The following LTBP2 variants were observed in gnomAD, a reference collection of about 807,000 sequenced individuals.
LTBP2 encodes the protein latent-transforming growth factor beta-binding protein 2.
In LTBP2, 103 loss-of-function variants were observed where a neutral mutation model predicts 210.6. The ratio of observed to expected loss-of-function variants is 0.49; its 90% CI spans 0.42 to 0.58. The LOEUF (loss-of-function observed/expected upper bound fraction) is 0.58. LTBP2 is among the 20% of genes least tolerant of loss of function. The pLI is 0.00. For synonymous variants in LTBP2, 1,007 were observed against 1,015.0 expected (o/e 0.99, Z 0.15); for missense variants, 2,313 against 2,494.5 (o/e 0.93, Z 1.55).
At chr14:74,520,366 G>T (rs910717104) in intron 17 of LTBP2, among the ~76,000 whole-genome samples, 1 of 152,114 alleles carries the variant, frequency 6.6e-6, no homozygotes. Context: ...GAGGCCCCTG[G>T]GTATTTCAAT....
chr14:74,506,340 T>A (rs1299086934), intron 27 of LTBP2, 149 bp from the exon 28 acceptor site: 2 of 1,066,736 alleles, frequency 1.9e-6, no homozygotes, highest in Admixed American at 3.9e-5. Flanking sequence ...GAGGAACCAA[T>A]GGACAGAGGG....
At chr14:74,609,964 G>C (rs2088581820) in intron 1 of LTBP2, among the ~76,000 whole-genome samples, 1 of 152,206 alleles carries the variant, frequency 6.6e-6, no homozygotes. Context: ...ACTAAGACTT[G>C]TTGAATGATC....
chr14:74,579,976 G>C (rs1006882231), intron 3 of LTBP2, among the ~76,000 whole-genome samples: 31 of 152,374 alleles, frequency 2.0e-4, no homozygotes, highest in African/African-American at 6.7e-4. Flanking sequence ...AATGGGCTGA[G>C]TCATGCTCGA....
intron 3 of LTBP2, among the ~76,000 whole-genome samples, 153 bp downstream of exon 3, chr14:74,585,701 G>A (rs1171087177): frequency 1.3e-5 from 2 of 152,186 alleles, no homozygotes; most frequent in Non-Finnish European, 2.9e-5. Flanking sequence ...CATATCTCTG[G>A]CCATGCCAGG....
Position 74,611,675 on chromosome 14 carries a change from C to T in LTBP2, c.270G>A (p.Pro90=), listed in dbSNP as rs1245754068. The part of the protein sequence containing the change: ...AGLQPVERAQ[P]GWGSPRRPTE... ...TGGGCCTCCTGGGGCTCCCCCAGCC[C>T]GGCTGGGCCCGCTCCACGGGCTGCA... The change falls in exon 1 of 36, where the codon CCG becomes CCA. Residue 90 remains proline (P), a synonymous_variant. Transcript: ENST00000261978. The T allele has an allele frequency of 1.3e-6, 2 of 1,565,400 alleles. No individual in the cohort carries two copies. Among genetic ancestry groups the T allele is most frequent in the African/African-American group, 1.3e-5 (1 of 74,092 alleles).
At chr14:74,513,595 G>A (rs1177527140) in intron 18 of LTBP2, among the ~76,000 whole-genome samples, 1 of 152,188 alleles carries the variant, frequency 6.6e-6, no homozygotes, top group Admixed American at 6.5e-5. Flanking sequence ...CTGAGGTCAG[G>A]AGTTCAAGAC....
chr14:74,600,855 G>A (rs1476696479), intron 2 of LTBP2, among the ~76,000 whole-genome samples: 1 of 152,208 alleles, frequency 6.6e-6, no homozygotes, highest in East Asian at 1.9e-4. Flanking sequence ...TGGGCCAGCA[G>A]CGTCAGCGTT....
In LTBP2 at chr14:74,508,040, G is replaced by A. The variant is rs779593255; in HGVS notation, c.3708C>T (p.Thr1236=). ...DPCVGGHCVN[T]EGSFNCLCET... is the part of the protein sequence containing the mutation. Reference sequence around the variant, plus strand: ...CACATAGACAGTTGAAGGAGCCCTCGGTGTTGACACAGTGCCCTCCCACAC... The same window carrying A: ...CACATAGACAGTTGAAGGAGCCCTCAGTGTTGACACAGTGCCCTCCCACAC... The change falls in exon 25 of 36, where the codon ACC becomes ACT. Residue 1236 remains threonine (T), a synonymous_variant. Coordinates refer to ENST00000261978, the MANE Select transcript of LTBP2 (RefSeq NM_000428.3). 11 of 1,613,848 alleles carry A rather than the reference G, an allele frequency of 6.8e-6. No homozygotes were observed. Among genetic ancestry groups the A allele is most frequent in the East Asian group, 2.2e-5 (1 of 44,890 alleles).
chr14:74,518,477 C>G (rs1243040524), intron 17 of LTBP2, among the ~76,000 whole-genome samples: 1 of 152,186 alleles, frequency 6.6e-6, no homozygotes, highest in Non-Finnish European at 1.5e-5. Context: ...GGAACAGCTT[C>G]CTACACACCA....
intron 8 of LTBP2, among the ~76,000 whole-genome samples, chr14:74,541,707 C>A (rs2087510670): frequency 1.3e-5 from 2 of 151,856 alleles, no homozygotes; most frequent in South Asian, 4.2e-4. Flanking sequence ...AAACCTAGCA[C>A]CCTTCCTAGG....
intron 18 of LTBP2, among the ~76,000 whole-genome samples, chr14:74,514,607 T>C (rs2087112193): frequency 6.6e-6 from 1 of 152,120 alleles, no homozygotes; most frequent in South Asian, 2.1e-4. Flanking sequence ...TCAAGTGACC[T>C]TGGTTATGGC....
intron 20 of LTBP2, 72 bp from the exon 21 acceptor site, chr14:74,509,931 G>T: frequency 1.2e-6 from 2 of 1,612,550 alleles, no homozygotes; most frequent in Non-Finnish European, 1.7e-6. Context: ...AGGTAGGCAG[G>T]GGTGGGGGAA....
At chr14:74,595,277 G>C (rs867574202) in intron 2 of LTBP2, among the ~76,000 whole-genome samples, 1 of 152,192 alleles carries the variant, frequency 6.6e-6, no homozygotes, top group Non-Finnish European at 1.5e-5. Flanking sequence ...GGGGAGCCGC[G>C]GGGCCAGGGG....
intron 7 of LTBP2, among the ~76,000 whole-genome samples, chr14:74,550,750 G>A (rs1363773630): frequency 6.6e-6 from 1 of 152,214 alleles, no homozygotes; most frequent in Non-Finnish European, 1.5e-5. Flanking sequence ...CCATGTGCCA[G>A]GGGTCATAGG....
chr14:74,594,223 C>T (rs770746952), intron 2 of LTBP2, among the ~76,000 whole-genome samples: 19 of 152,260 alleles, frequency 1.2e-4, no homozygotes, highest in Middle Eastern at 3.4e-3. Flanking sequence ...CACCCTACCC[C>T]CCGGGCAAGG....
Position 74,549,819 on chromosome 14 carries a change from G to A in LTBP2, c.1789+44C>T, listed in dbSNP as rs775100882. 2.6e-6 allele frequency: 4 copies of A among 1,521,010 alleles called. No homozygotes were observed. The East Asian group carries it at 9.0e-5, about 34-fold the overall frequency. The allele number at this position is 1,521,010 out of a possible 1,614,324, so 94.2% of individuals were successfully genotyped here. A position where few individuals can be genotyped will look rare whatever the true frequency, so the allele number is the denominator to read the frequency against. ...CCTGGCAGGAGAGGGCAGGCCCAGG[G>A]AGAGCTTCCTCCACAACACGTGACC... On this transcript the variant is annotated intron_variant, in intron 8 of 35. Coordinates refer to ENST00000261978, the MANE Select transcript of LTBP2 (RefSeq NM_000428.3).
intron 8 of LTBP2, among the ~76,000 whole-genome samples, chr14:74,547,082 C>T (rs538449932): frequency 5.2e-4 from 79 of 152,368 alleles, no homozygotes; most frequent in Non-Finnish European, 9.0e-4. Context: ...CTGATGGGCT[C>T]CAGAGCTTGG....
chr14:74,518,711 T>G (rs569694459), intron 17 of LTBP2, among the ~76,000 whole-genome samples: 1 of 152,302 alleles, frequency 6.6e-6, no homozygotes, highest in South Asian at 2.1e-4. Context: ...TTCATAAAAC[T>G]CCAGTGCACA....
chr14:74,587,236 T>C (rs990034682), intron 2 of LTBP2, among the ~76,000 whole-genome samples: 1 of 152,148 alleles, frequency 6.6e-6, no homozygotes, highest in African/African-American at 2.4e-5. Flanking sequence ...CTCATCCATC[T>C]GTCGCTCATT....
Sources: gnomAD v4.1 joint callset for allele counts (sites outside exome capture counted in the v4.1 genomes callset) on GRCh38, gnomAD v4.1.1 for gene constraint, MANE v1.5 for transcripts, NCBI Gene and HGNC (gene_info 2026-07-23, HGNC 2026-07-21) for gene names.